The following PTPN13 variants were observed in gnomAD, a reference collection of about 807,000 sequenced individuals.
PTPN13 encodes tyrosine-protein phosphatase non-receptor type 13.
PTPN13 carries 191 observed loss-of-function variants against 284.0 expected under a neutral mutation model. The ratio of observed to expected loss-of-function variants is 0.67; its 90% confidence interval spans 0.60 to 0.76. The LOEUF (loss-of-function observed/expected upper bound fraction) is 0.76, where lower values mean the gene tolerates loss of function less well. Among genes scored for constraint, PTPN13 ranks in the 30% least tolerant of loss-of-function variants. The pLI is 0.00. For missense variants in PTPN13, 2,797 were observed against 2,939.9 expected (o/e 0.95, Z 1.12); for synonymous variants, 986 against 1,022.3 (o/e 0.96, Z 0.68).
chr4:86,810,120 T>C (rs903736846), intron 46 of PTPN13, 136 bp downstream of exon 46: 5 of 656,382 alleles, frequency 7.6e-6, no homozygotes, highest in African/African-American at 3.7e-5. Flanking sequence ...TCTTATATTA[T>C]TATAGAAAAT....
chr4:86,600,546 T>C (rs574622324), intron 1 of PTPN13, among the ~76,000 whole-genome samples: 4 of 149,764 alleles, frequency 2.7e-5, no homozygotes, highest in Admixed American at 2.0e-4. Context: ...GTGTACGATA[T>C]CAGTTTCATG....
At chr4:86,689,645 C>G in intron 5 of PTPN13, 1 of 702,302 alleles carries the variant, frequency 1.4e-6, no homozygotes, top group Non-Finnish European at 2.6e-6. Context: ...TCTCCACTTT[C>G]CCTTCTTCTC....
At chr4:86,668,887 A>G (rs1727403605) in intron 2 of PTPN13, among the ~76,000 whole-genome samples, 1 of 150,858 alleles carries the variant, frequency 6.6e-6, no homozygotes. Flanking sequence ...GATTACAGGC[A>G]TGAGCCACTG....
intron 1 of PTPN13, among the ~76,000 whole-genome samples, chr4:86,611,549 T>C (rs111691670): frequency 0.032 from 4,920 of 152,238 alleles, 151 homozygotes; most frequent in Non-Finnish European, 0.05. Flanking sequence ...AGGGACAAAA[T>C]ATGTGAAACA....
rs1288171128 is a variant in PTPN13 at position 86,814,518 on chromosome 4, A to C, written c.7425A>C (p.Glu2475Asp). 6.2e-7 allele frequency: 1 copy of C among 1,612,834 alleles called. No individual in the cohort carries two copies. The highest frequency in any genetic ancestry group is 2.2e-5 in the East Asian group (1 of 44,816). Residue 2475 changes from glutamate (E) to aspartate (D), a missense_variant, in exon 48 of 48, where the codon GAA (glutamate) becomes GAC (aspartate). By Grantham distance (45) the Glu-to-Asp change is conservative. Coordinates refer to ENST00000411767, the MANE Select transcript of PTPN13 (RefSeq NM_080683.3). ...LYVLTRLQAEEEQKQQPQLLK is the reference protein window; with the variant it reads ...LYVLTRLQAEDEQKQQPQLLK The stretch of plus-strand genomic sequence containing the variant: ...TCCTGACACGTCTTCAAGCAGAAGA[A>C]GAGCAAAAACAGCAGCCTCAGCTTC...
intron 5 of PTPN13, chr4:86,689,586 G>C (rs1729806213): frequency 1.4e-6 from 1 of 696,414 alleles, no homozygotes; most frequent in South Asian, 1.5e-5. Context: ...CTTTATACCT[G>C]TTTCGTGACC....
intron 1 of PTPN13, among the ~76,000 whole-genome samples, chr4:86,606,378 T>C (rs917039754): frequency 6.6e-6 from 1 of 151,892 alleles, no homozygotes; most frequent in Admixed American, 6.6e-5. Context: ...TAGTTGGTTT[T>C]ATATTTGCCC....
At chr4:86,785,762 C>G in intron 39 of PTPN13, 86 bp from the exon 40 acceptor site, 2 of 707,342 alleles carry the variant, frequency 2.8e-6, no homozygotes, top group Non-Finnish European at 4.5e-6. Flanking sequence ...GGTTTATACA[C>G]TGCCTTCTTT....
At chr4:86,657,364 G>T (rs942298989) in intron 2 of PTPN13, among the ~76,000 whole-genome samples, 4 of 152,178 alleles carry the variant, frequency 2.6e-5, no homozygotes, top group African/African-American at 7.2e-5. Flanking sequence ...TCTTGGAACT[G>T]CCCTCACTGC....
intron 23 of PTPN13, among the ~76,000 whole-genome samples, chr4:86,759,723 CCTTCTAAGCCT>C (rs1238210129): frequency 6.6e-6 from 1 of 152,128 alleles, no homozygotes. Context: ...ATCACATGAA[CCTTCTAAGCCT>C]CACTGTGCTC....
chr4:86,759,527 C>A (rs2149237896), intron 23 of PTPN13, among the ~76,000 whole-genome samples: 1 of 152,310 alleles, frequency 6.6e-6, no homozygotes, highest in Admixed American at 6.5e-5. Flanking sequence ...AGACAGTGAT[C>A]TTTGCCCTGC....
chr4:86,785,191 T>C, intron 38 of PTPN13, 40 bp from the exon 39 acceptor site: 1 of 1,407,790 alleles, frequency 7.1e-7, no homozygotes, highest in Non-Finnish European at 9.6e-7. Context: ...CGTGTCAATA[T>C]TTTTAAAGTA....
chr4:86,654,797 G>T (rs978738397), intron 2 of PTPN13, among the ~76,000 whole-genome samples: 2 of 152,152 alleles, frequency 1.3e-5, no homozygotes, highest in African/African-American at 2.4e-5. Context: ...GGATATCCTT[G>T]TTAACTTTCT....
intron 2 of PTPN13, among the ~76,000 whole-genome samples, chr4:86,641,611 A>T (rs1354436137): frequency 6.6e-6 from 1 of 152,196 alleles, no homozygotes; most frequent in South Asian, 2.1e-4. Flanking sequence ...TCTTCAAATG[A>T]ACTTCTCTTC....
intron 5 of PTPN13, among the ~76,000 whole-genome samples, chr4:86,693,005 G>A (rs902965091): frequency 2.0e-5 from 3 of 151,020 alleles, no homozygotes; most frequent in Non-Finnish European, 2.9e-5. Context: ...CTTGAACCTG[G>A]GAGGCAGAGG....
chr4:86,755,973 AT>A (rs1243309074), intron 20 of PTPN13, among the ~76,000 whole-genome samples: 1 of 151,384 alleles, frequency 6.6e-6, no homozygotes. Flanking sequence ...TTCTTCTTTC[AT>A]TTTATTCCGT....
At chr4:86,610,612 T>A (rs1337091222) in intron 1 of PTPN13, among the ~76,000 whole-genome samples, 1 of 152,236 alleles carries the variant, frequency 6.6e-6, no homozygotes, top group Non-Finnish European at 1.5e-5. Context: ...TGCTGCCACA[T>A]CTCCTATTTT....
intron 23 of PTPN13, among the ~76,000 whole-genome samples, chr4:86,761,388 C>T (rs1578600857): frequency 1.3e-5 from 2 of 151,862 alleles, no homozygotes; most frequent in East Asian, 3.9e-4. Context: ...AATGTTACTC[C>T]AACAAATACA....
rs1735084729 is a variant in PTPN13 at position 86,732,750 on chromosome 4, T to A, written c.1842T>A (p.Ala614=). ...HIGLVEHHLF[A]LATLKDNEYF... ...GCTTAGTAGAGCATCATTTGTTTGC[T>A]TTAGCTACCCTCAAAGGTACCAAGA... Residue 614 remains alanine (A), a synonymous_variant, in exon 12 of 48, where the codon GCT becomes GCA. Coordinates refer to ENST00000411767, the MANE Select transcript of PTPN13 (RefSeq NM_080683.3). The A allele has an allele frequency of 6.2e-7, 1 of 1,612,770 alleles. No individual in the cohort carries two copies.
Sources: gnomAD v4.1 joint callset for allele counts (sites outside exome capture counted in the v4.1 genomes callset) on GRCh38, gnomAD v4.1.1 for gene constraint, MANE v1.5 for transcripts, NCBI Gene and HGNC (gene_info 2026-07-23, HGNC 2026-07-21) for gene names.